Variants in LINGO1 observed in about 807,000 individuals in gnomAD.
The protein encoded by LINGO1 is leucine rich repeat and Ig domain containing 1, also known as leucine-rich repeat and immunoglobulin-like domain-containing nogo receptor-interacting protein 1.
A neutral mutation model predicts 37.3 loss-of-function variants in LINGO1; 11 were observed. The ratio of observed to expected loss-of-function variants is 0.29; its 90% CI spans 0.19 to 0.49. LINGO1 has a LOEUF of 0.49. LINGO1 is among the 20% of genes least tolerant of loss of function. The pLI is 0.99. For missense variants in LINGO1, 585 were observed against 878.2 expected (o/e 0.67, Z 4.22); for synonymous variants, 387 against 403.0 (o/e 0.96, Z 0.48).
At chr15:77,655,378 C>T (rs1383940219) in intron 3 of LINGO1, among the ~76,000 whole-genome samples, 1 of 152,144 alleles carries the variant, frequency 6.6e-6, no homozygotes, top group East Asian at 1.9e-4. Context: ...CTTCTTCCTC[C>T]CATCCCACCT....
At chr15:77,760,101 C>T (rs757027871) in intron 1 of LINGO1, among the ~76,000 whole-genome samples, 19 of 152,236 alleles carry the variant, frequency 1.2e-4, no homozygotes, top group Non-Finnish European at 2.6e-4. Context: ...GCGGCAATGA[C>T]TCATGCCTGT....
At chr15:77,724,977 C>T (rs1171110299) in intron 2 of LINGO1, among the ~76,000 whole-genome samples, 1 of 152,238 alleles carries the variant, frequency 6.6e-6, no homozygotes, top group Admixed American at 6.5e-5. Flanking sequence ...GAGATGAAGG[C>T]CTGGCCTCCT....
At chr15:77,631,475 C>A (rs1287452872) in intron 1 of LINGO1, among the ~76,000 whole-genome samples, 5 of 152,308 alleles carry the variant, frequency 3.3e-5, no homozygotes, top group Non-Finnish European at 5.9e-5. Flanking sequence ...TGCCCACTGG[C>A]CTGGCCCCAC....
chr15:77,705,206 C>CACA (rs57434698), intron 2 of LINGO1, among the ~76,000 whole-genome samples: 7 of 149,072 alleles, frequency 4.7e-5, no homozygotes, highest in African/African-American at 7.6e-5. Context: ...CACACACACA[C>CACA]CAGTCCACTT....
intron 1 of LINGO1, among the ~76,000 whole-genome samples, chr15:77,754,292 G>A (rs976895126): frequency 1.4e-5 from 2 of 146,638 alleles, no homozygotes; most frequent in Non-Finnish European, 3.0e-5. Flanking sequence ...GGAAGGGAGG[G>A]AGGGGAGAAG....
chr15:77,703,600 T>G (rs2075812470), intron 2 of LINGO1, among the ~76,000 whole-genome samples: 1 of 152,134 alleles, frequency 6.6e-6, no homozygotes, highest in East Asian at 1.9e-4. Context: ...TGTGGGGTGA[T>G]GTCAGGGATG....
intron 2 of LINGO1, among the ~76,000 whole-genome samples, chr15:77,682,836 C>A (rs1247141664): frequency 6.6e-6 from 1 of 152,102 alleles, no homozygotes; most frequent in Non-Finnish European, 1.5e-5. Flanking sequence ...GAAGCCTCGC[C>A]AGGCCAGACG....
chr15:77,717,136 G>C (rs2075994106), intron 2 of LINGO1, among the ~76,000 whole-genome samples: 1 of 150,548 alleles, frequency 6.6e-6, no homozygotes, highest in South Asian at 2.1e-4. Flanking sequence ...ACCCAGAGGA[G>C]TGCAGCAAGG....
upstream of LINGO1, among the ~76,000 whole-genome samples, chr15:77,791,856 G>A (rs530363993): frequency 3.3e-5 from 5 of 152,180 alleles, no homozygotes; most frequent in South Asian, 6.2e-4. Flanking sequence ...AGGGCGAGCT[G>A]GTAGCAGTTT....
At chr15:77,645,934 C>T (rs370943813) in intron 3 of LINGO1, among the ~76,000 whole-genome samples, 16 of 152,344 alleles carry the variant, frequency 1.1e-4, no homozygotes, top group South Asian at 4.1e-4. Context: ...CAGGTGGCCT[C>T]GGTGTGGCTG....
At chr15:77,741,459 A>G (rs2076263499) in intron 1 of LINGO1, among the ~76,000 whole-genome samples, 1 of 152,134 alleles carries the variant, frequency 6.6e-6, no homozygotes, top group Non-Finnish European at 1.5e-5. Flanking sequence ...AGCAGAGGCC[A>G]GGGCTCTTGC....
intron 1 of LINGO1, among the ~76,000 whole-genome samples, chr15:77,777,934 A>G (rs145141652): frequency 9.0e-5 from 12 of 133,832 alleles, no homozygotes; most frequent in Middle Eastern, 3.6e-3. Context: ...AAAAGAAAAG[A>G]GGAAGGAAGG....
intron 1 of LINGO1, among the ~76,000 whole-genome samples, chr15:77,626,220 T>C (rs2074086004): frequency 6.6e-6 from 1 of 152,018 alleles, no homozygotes; most frequent in African/African-American, 2.4e-5. Context: ...CCCAACATCA[T>C]ACAAGGGTCA....
rs192455707 is a variant in LINGO1, at chr15:77,649,376, C to T, written c.-13+27713G>A. 5 of 152,356 alleles carry T rather than the reference C, an allele frequency of 3.3e-5. No homozygotes were observed. In the East Asian group the frequency reaches 9.6e-4, roughly 29 times the overall value. The allele number at this position is 152,356 out of a possible 1,614,324, so 9.4% of individuals were successfully genotyped here. ...TACGTCTGGCTGATGGAGACGCACACATGTGCAGTCAGTGGGAATGCCTGT... is the reference window on the plus strand; with the variant it reads ...TACGTCTGGCTGATGGAGACGCACATATGTGCAGTCAGTGGGAATGCCTGT... On this transcript the variant is annotated intron_variant, in intron 3 of 3. Transcript: ENST00000559893.
At chr15:77,684,766 A>T (rs1366212222) in intron 2 of LINGO1, among the ~76,000 whole-genome samples, 7 of 152,096 alleles carry the variant, frequency 4.6e-5, no homozygotes, top group Admixed American at 2.0e-4. Context: ...CCAGGCAAGG[A>T]CCCCAGTGAC....
At chr15:77,811,137 C>A (rs529222462) in intron 1 of LINGO1, among the ~76,000 whole-genome samples, 2 of 151,898 alleles carry the variant, frequency 1.3e-5, no homozygotes, top group Admixed American at 6.6e-5. Flanking sequence ...AGCCTTCCCA[C>A]CACCTTCCCG....
At chr15:77,819,815 C>A (rs1407403538) in intron 1 of LINGO1, among the ~76,000 whole-genome samples, 2 of 151,324 alleles carry the variant, frequency 1.3e-5, no homozygotes, top group Non-Finnish European at 3.0e-5. Flanking sequence ...AACCTGGGCC[C>A]AGGTGCCGAC....
chr15:77,629,552 G>C (rs2074192452), intron 1 of LINGO1, among the ~76,000 whole-genome samples: 1 of 152,160 alleles, frequency 6.6e-6, no homozygotes, highest in Non-Finnish European at 1.5e-5. Context: ...CTGAGTGCCT[G>C]TGTGGGCTAC....
At chr15:77,752,789 C>T (rs185751293) in intron 1 of LINGO1, among the ~76,000 whole-genome samples, 3 of 152,346 alleles carry the variant, frequency 2.0e-5, no homozygotes, top group Non-Finnish European at 4.4e-5. Flanking sequence ...GCCAGCCCCT[C>T]ATAGGGCACT....
Sources: allele counts gnomAD v4.1 joint callset (sites outside exome capture counted in the v4.1 genomes callset), GRCh38; gene constraint gnomAD v4.1.1; transcripts MANE v1.5; gene names NCBI Gene and HGNC (gene_info 2026-07-23, HGNC 2026-07-21).